SPMAP2L: variants seen among roughly 807,000 people sequenced by gnomAD.
SPMAP2L encodes the protein sperm microtubule associated protein 2-like.
the SPMAP2L span, among the ~76,000 whole-genome samples, chr4:56,616,472 CCCACCA>C: frequency 4.6e-5 from 7 of 152,188 alleles, no homozygotes; most frequent in East Asian, 1.2e-3. Flanking sequence ...GCATGTGGAC[CCCACCA>C]CCTTGAGTAG....
chr4:56,623,718 C>G, the SPMAP2L span, among the ~76,000 whole-genome samples: 1 of 152,234 alleles, frequency 6.6e-6, no homozygotes, highest in Admixed American at 6.5e-5. Context: ...TTTCCTTCCT[C>G]CTCATTTTTT....
chr4:56,533,666 G>C, the SPMAP2L span, among the ~76,000 whole-genome samples: 1 of 151,820 alleles, frequency 6.6e-6, no homozygotes, highest in Admixed American at 6.6e-5. Flanking sequence ...ATGTGCAATG[G>C]ACCGGATGCG....
At chr4:56,586,229 A>G in the SPMAP2L span, among the ~76,000 whole-genome samples, 1 of 152,088 alleles carries the variant, frequency 6.6e-6, no homozygotes, top group Non-Finnish European at 1.5e-5. Context: ...AACAAAAGAT[A>G]TTTATTTCTC....
the SPMAP2L span, among the ~76,000 whole-genome samples, chr4:56,582,495 A>G: frequency 1.3e-5 from 2 of 152,178 alleles, no homozygotes; most frequent in Non-Finnish European, 2.9e-5. Context: ...TTAAAATCAC[A>G]ATGAGATACC....
At chr4:56,596,433 G>T in the SPMAP2L span, 1 of 1,408,874 alleles carries the variant, frequency 7.1e-7, no homozygotes, top group Non-Finnish European at 9.2e-7. Flanking sequence ...ATCATACTTT[G>T]TAATCTTGAA....
At chr4:56,576,826 C>G in the SPMAP2L span, among the ~76,000 whole-genome samples, 1 of 152,174 alleles carries the variant, frequency 6.6e-6, no homozygotes. Context: ...TTTATTGCCA[C>G]TTCTTGAGAC....
chr4:56,594,002 G>A, the SPMAP2L span: 3 of 1,611,102 alleles, frequency 1.9e-6, no homozygotes, highest in Non-Finnish European at 1.7e-6. Context: ...AGTGAAGGAG[G>A]TCTTGGGCAG....
At chr4:56,559,541 A>G in the SPMAP2L span, 7 of 1,466,542 alleles carry the variant, frequency 4.8e-6, no homozygotes, top group East Asian at 2.6e-5. Context: ...GTGTGTTATC[A>G]TGTTACTTTA....
chr4:56,596,109 C>T, the SPMAP2L span, among the ~76,000 whole-genome samples: 1 of 152,118 alleles, frequency 6.6e-6, no homozygotes, highest in African/African-American at 2.4e-5. Context: ...GTGGGAAATC[C>T]CAGGACAAAT....
the SPMAP2L span, chr4:56,531,252 A>T: frequency 1.4e-6 from 2 of 1,438,060 alleles, no homozygotes; most frequent in Admixed American, 2.7e-5. Context: ...CGCCCCATCT[A>T]GAACCGGGGG....
At chr4:56,568,073 A>G in the SPMAP2L span, among the ~76,000 whole-genome samples, 2 of 152,094 alleles carry the variant, frequency 1.3e-5, no homozygotes, top group Non-Finnish European at 2.9e-5. Flanking sequence ...TCTACAGTGT[A>G]ATGTTTGTCT....
chr4:56,542,971 C>G, the SPMAP2L span, among the ~76,000 whole-genome samples: 17 of 151,802 alleles, frequency 1.1e-4, no homozygotes, highest in East Asian at 3.3e-3. Flanking sequence ...GAAATTATCA[C>G]GAGCCATCAG....
the SPMAP2L span, chr4:56,593,062 C>T: frequency 6.3e-7 from 1 of 1,584,474 alleles, no homozygotes; most frequent in Non-Finnish European, 8.7e-7. Context: ...CCTATATTGG[C>T]ATGGGCTATT....
the SPMAP2L span, among the ~76,000 whole-genome samples, chr4:56,550,832 G>A: frequency 1.3e-5 from 2 of 152,008 alleles, no homozygotes; most frequent in Admixed American, 6.6e-5. Context: ...TAATTAGCCC[G>A]GTATGGTGTC....
chr4:56,550,004 G>A, the SPMAP2L span, among the ~76,000 whole-genome samples: 1 of 152,146 alleles, frequency 6.6e-6, no homozygotes, highest in Admixed American at 6.5e-5. Context: ...AATGGTTCCT[G>A]TAGGTGAAAA....
the SPMAP2L span, among the ~76,000 whole-genome samples, chr4:56,580,171 C>T: frequency 1.3e-5 from 2 of 151,972 alleles, no homozygotes; most frequent in Admixed American, 6.6e-5. Context: ...TAATCCACAC[C>T]AAAATACTCT....
At chr4:56,557,605 T>G in the SPMAP2L span, 1 of 152,222 alleles carries the variant, frequency 6.6e-6, no homozygotes, top group African/African-American at 2.4e-5. Flanking sequence ...TCTGGAAATC[T>G]GAAACAGACT....
chr4:56,532,723 T>C, the SPMAP2L span, among the ~76,000 whole-genome samples: 1 of 152,332 alleles, frequency 6.6e-6, no homozygotes, highest in Admixed American at 6.5e-5. Flanking sequence ...TGCTCTAGTT[T>C]ACTGCTTTTC....
At chr4:56,543,907 T>C in the SPMAP2L span, among the ~76,000 whole-genome samples, 1 of 116,394 alleles carries the variant, frequency 8.6e-6, no homozygotes, top group Non-Finnish European at 1.9e-5. Flanking sequence ...TGTGTGTGTG[T>C]GTGTGTGTGT....
Sources: allele counts gnomAD v4.1 joint callset (sites outside exome capture counted in the v4.1 genomes callset), GRCh38; gene constraint gnomAD v4.1.1; transcripts MANE v1.5; gene names NCBI Gene and HGNC (gene_info 2026-07-23, HGNC 2026-07-21).